The following XRN1 variants were observed in gnomAD, a reference collection of about 807,000 sequenced individuals.
XRN1 encodes strand-exchange protein 1 homolog.
A neutral mutation model predicts 222.3 loss-of-function variants in XRN1; 67 were observed. The observed-to-expected ratio is 0.30, with a 90% CI of 0.25 to 0.37. The LOEUF is 0.37. Among genes scored for constraint, XRN1 ranks in the 10% least tolerant of loss-of-function variants. XRN1 has a pLI of 1.00. For missense variants in XRN1, 1,707 were observed against 2,000.2 expected (o/e 0.85, Z 2.80); for synonymous variants, 643 against 652.4 (o/e 0.99, Z 0.22).
chr3:142,369,882 C>A (rs1276816917), intron 27 of XRN1, among the ~76,000 whole-genome samples: 1 of 151,342 alleles, frequency 6.6e-6, no homozygotes, highest in African/African-American at 2.4e-5. Context: ...GCCGTCTCTA[C>A]TAAAAAATAC....
rs1035389136 is a variant in XRN1 at position 142,325,623 on chromosome 3, T to G, written c.4404+3811A>C. 5.3e-5 allele frequency among the ~76,000 whole-genome samples: 8 copies of G among 152,262 alleles called. No individual in the cohort carries two copies. The East Asian group carries it at 1.2e-3, about 22-fold the overall frequency. ...ATTTTCTCCTCTTCTGTGTATTGTC[T>G]TTTCACTTTGTTGATTGTTTCCTTT... On this transcript the variant is annotated intron_variant, in intron 37 of 40. Transcript: ENST00000392981.
At chr3:142,398,107 T>G (rs1182098788) in intron 19 of XRN1, among the ~76,000 whole-genome samples, 2 of 151,928 alleles carry the variant, frequency 1.3e-5, no homozygotes, top group Non-Finnish European at 2.9e-5. Flanking sequence ...ATGCCAGGTA[T>G]GGTAACACAT....
chr3:142,347,000 G>T (rs1287993257), intron 33 of XRN1, among the ~76,000 whole-genome samples: 1 of 152,176 alleles, frequency 6.6e-6, no homozygotes, highest in Non-Finnish European at 1.5e-5. Context: ...GGTTGCCAAG[G>T]CCTGGAGGAG....
intron 1 of XRN1, among the ~76,000 whole-genome samples, chr3:142,436,855 C>T (rs2069935449): frequency 6.6e-6 from 1 of 152,058 alleles, no homozygotes; most frequent in Admixed American, 6.5e-5. Context: ...TATATAAAAA[C>T]AAGATGTTAC....
intron 19 of XRN1, among the ~76,000 whole-genome samples, chr3:142,398,969 C>T (rs2068027837): frequency 6.6e-6 from 1 of 151,772 alleles, no homozygotes; most frequent in South Asian, 2.1e-4. Context: ...AGAAAAATTA[C>T]ATACTCAGGT....
At chr3:142,338,372 A>G (rs889243755) in intron 33 of XRN1, among the ~76,000 whole-genome samples, 1 of 152,188 alleles carries the variant, frequency 6.6e-6, no homozygotes, top group African/African-American at 2.4e-5. Flanking sequence ...GGGAACCTAC[A>G]GTCCTGAAGG....
rs3214979 is a variant in XRN1, at chr3:142,364,876, A to AT, written c.3394+170dup. The stretch of plus-strand genomic sequence containing the variant: ...GATTATACAATAAAAAACAGAAGAG[A>AT]TTTTTTTTTCTCTGAAAAGTATAAC... On this transcript the variant is annotated intron_variant, in intron 29 of 40. Transcript: ENST00000392981. 6.3e-3 allele frequency among the ~76,000 whole-genome samples: 943 copies of AT among 150,854 alleles called. 26 individuals are homozygous for AT. In the East Asian group the frequency reaches 0.09, roughly 14 times the overall value.
intron 20 of XRN1, among the ~76,000 whole-genome samples, chr3:142,395,517 G>C (rs1374324893): frequency 2.0e-5 from 3 of 152,104 alleles, no homozygotes; most frequent in Non-Finnish European, 4.4e-5. Flanking sequence ...TTCAGAAGGG[G>C]AACAACAGAT....
At chr3:142,347,855 CCCAAAGT>C (rs2066193820) in intron 32 of XRN1, among the ~76,000 whole-genome samples, 2 of 152,046 alleles carry the variant, frequency 1.3e-5, no homozygotes, top group African/African-American at 4.8e-5. Context: ...ACCTCGGCCT[CCCAAAGT>C]CCTTGGATTA....
chr3:142,345,747 G>A (rs2066128267), intron 33 of XRN1, among the ~76,000 whole-genome samples: 1 of 152,148 alleles, frequency 6.6e-6, no homozygotes, highest in Non-Finnish European at 1.5e-5. Context: ...CCAAGGATTT[G>A]AACTGACATT....
In XRN1 at chr3:142,357,020, G is replaced by C; in HGVS notation, c.3564C>G (p.Ile1188Met). 3.1e-6 allele frequency: 5 copies of C among 1,613,994 alleles called. No individual in the cohort carries two copies. The highest frequency in any genetic ancestry group is 4.2e-6 in the Non-Finnish European group (5 of 1,179,962). Residue 1188 changes from isoleucine (I) to methionine (M), a missense_variant, in exon 31 of 41, where the codon ATC (isoleucine) becomes ATG (methionine). Coordinates refer to ENST00000392981, the MANE Select transcript of XRN1 (RefSeq NM_001282857.2). ...GATGTACAGCTGGTTGTGGTTTTAC[G>C]ATGGCTGTCAACTTCTGATTTCCAG... ...SETGNQKLTA[I>M]VKPQPAVHQH...
At chr3:142,344,692 C>CA (rs1479355976) in intron 33 of XRN1, among the ~76,000 whole-genome samples, 5 of 151,754 alleles carry the variant, frequency 3.3e-5, no homozygotes, top group African/African-American at 1.2e-4. Flanking sequence ...ATAAATTTAA[C>CA]AAAAAAGTGT....
In XRN1 at chr3:142,421,829, G is replaced by A. The variant is rs895598953; in HGVS notation, c.968-286C>T. On this transcript the variant is annotated intron_variant, in intron 8 of 40. Transcript: ENST00000392981. ...TTAAATATGGTCTATAATCTATCTAGATCATTTAATATGATATGTTAACTT... is the reference window on the plus strand; with the variant it reads ...TTAAATATGGTCTATAATCTATCTAAATCATTTAATATGATATGTTAACTT... Among the ~76,000 whole-genome samples the A allele has an allele frequency of 7.9e-5, 12 of 152,190 alleles. No homozygotes were observed. The East Asian group carries it at 1.5e-3, about 20-fold the overall frequency.
At chr3:142,444,311 G>A (rs1479960810) in intron 1 of XRN1, among the ~76,000 whole-genome samples, 3 of 151,900 alleles carry the variant, frequency 2.0e-5, no homozygotes, top group African/African-American at 7.3e-5. Flanking sequence ...AAAACAAACA[G>A]AACAAAAAAA....
chr3:142,437,215 C>A (rs2108189591), intron 1 of XRN1, among the ~76,000 whole-genome samples: 1 of 152,334 alleles, frequency 6.6e-6, no homozygotes, highest in South Asian at 2.1e-4. Flanking sequence ...ATTTTATACT[C>A]TCTGCCTTCT....
intron 25 of XRN1, among the ~76,000 whole-genome samples, chr3:142,371,799 T>C (rs2066999222): frequency 6.6e-6 from 1 of 152,102 alleles, no homozygotes; most frequent in African/African-American, 2.4e-5. Flanking sequence ...TCCATCCCTC[T>C]CCAATCCATT....
intron 29 of XRN1, 122 bp downstream of exon 29, chr3:142,364,925 T>C (rs1388567180): frequency 6.7e-6 from 7 of 1,045,124 alleles, no homozygotes; most frequent in South Asian, 6.0e-5. Flanking sequence ...AACTAAAACA[T>C]AAAAAGATTG....
chr3:142,354,402 C>T (rs1485445549), intron 32 of XRN1, among the ~76,000 whole-genome samples: 3 of 152,148 alleles, frequency 2.0e-5, no homozygotes, highest in East Asian at 1.9e-4. Flanking sequence ...AACTACCATT[C>T]GACCCAGCAA....
chr3:142,403,039 A>G (rs1461364049), intron 18 of XRN1, among the ~76,000 whole-genome samples: 1 of 152,188 alleles, frequency 6.6e-6, no homozygotes, highest in Non-Finnish European at 1.5e-5. Flanking sequence ...CCACCAAATT[A>G]ATCTTTATGA....
Sources: gnomAD v4.1 joint callset for allele counts (sites outside exome capture counted in the v4.1 genomes callset) on GRCh38, gnomAD v4.1.1 for gene constraint, MANE v1.5 for transcripts, NCBI Gene and HGNC (gene_info 2026-07-23, HGNC 2026-07-21) for gene names.